TMEM135: variants seen among roughly 807,000 people sequenced by gnomAD.
TMEM135 encodes transmembrane protein 135.
In TMEM135, 30 loss-of-function variants were observed where a neutral mutation model predicts 60.3. The observed-to-expected ratio is 0.50, with a 90% CI of 0.37 to 0.68. The LOEUF is 0.68. Among genes scored for constraint, TMEM135 ranks in the 30% least tolerant of loss-of-function variants. The pLI is 0.00. For synonymous variants in TMEM135, 190 were observed against 186.7 expected, an observed-to-expected ratio of 1.02 and a Z score of -0.14; for missense variants, 468 against 548.8, an observed-to-expected ratio of 0.85 and a Z score of 1.47.
intron 5 of TMEM135, among the ~76,000 whole-genome samples, chr11:87,170,915 T>A (rs139777617): frequency 8.5e-5 from 13 of 152,276 alleles, no homozygotes; most frequent in African/African-American, 1.4e-4. Context: ...AGGTTTTCTG[T>A]CCCAGGCAGA....
chr11:87,292,295 CTTT>C (rs1243805357), intron 6 of TMEM135, among the ~76,000 whole-genome samples: 1 of 152,064 alleles, frequency 6.6e-6, no homozygotes, highest in Admixed American at 6.6e-5. Context: ...GACATATTTA[CTTT>C]TTTATGTATC....
intron 5 of TMEM135, among the ~76,000 whole-genome samples, chr11:87,197,547 A>C (rs532925260): frequency 6.6e-6 from 1 of 152,092 alleles, no homozygotes; most frequent in East Asian, 1.9e-4. Flanking sequence ...AATTTCTTCT[A>C]TTGATAGATT....
chr11:87,146,175 T>G (rs1202532448), intron 4 of TMEM135, among the ~76,000 whole-genome samples: 2 of 152,220 alleles, frequency 1.3e-5, no homozygotes, highest in Non-Finnish European at 2.9e-5. Context: ...CACTATTTAT[T>G]GAAGACACTG....
chr11:87,053,090 C>G (rs528321553), intron 1 of TMEM135, among the ~76,000 whole-genome samples: 2 of 126,900 alleles, frequency 1.6e-5, no homozygotes, highest in Non-Finnish European at 3.1e-5. Flanking sequence ...CGCATATTCT[C>G]ACTCAAAGCT....
chr11:87,145,760 A>AT (rs1369115762), intron 4 of TMEM135, among the ~76,000 whole-genome samples: 6 of 149,096 alleles, frequency 4.0e-5, no homozygotes, highest in Non-Finnish European at 7.4e-5. Flanking sequence ...TCACTTATCC[A>AT]TTTTTTTCAA....
chr11:87,054,244 G>A (rs947977115), intron 1 of TMEM135, among the ~76,000 whole-genome samples: 1 of 152,042 alleles, frequency 6.6e-6, no homozygotes, highest in African/African-American at 2.4e-5. Context: ...AGACCAGCCT[G>A]GCCAACATGG....
At chr11:87,127,296 A>C (rs1937761339) in intron 4 of TMEM135, among the ~76,000 whole-genome samples, 2 of 152,212 alleles carry the variant, frequency 1.3e-5, no homozygotes, top group Admixed American at 1.3e-4. Context: ...CAATTAATAC[A>C]AAATACTAAG....
chr11:87,311,673 A>G (rs1192676348), intron 10 of TMEM135, among the ~76,000 whole-genome samples: 2 of 152,054 alleles, frequency 1.3e-5, no homozygotes, highest in East Asian at 1.9e-4. Context: ...CGGGTCAGAA[A>G]ATCTCAGGAA....
intron 5 of TMEM135, among the ~76,000 whole-genome samples, chr11:87,210,092 A>T (rs1263003413): frequency 6.6e-6 from 1 of 152,132 alleles, no homozygotes; most frequent in Non-Finnish European, 1.5e-5. Context: ...TAACAACATA[A>T]TGTTGCACCT....
At chr11:87,138,898 G>A (rs187215601) in intron 4 of TMEM135, among the ~76,000 whole-genome samples, 23 of 152,274 alleles carry the variant, frequency 1.5e-4, no homozygotes, top group Admixed American at 1.3e-3. Flanking sequence ...CTTAATTGGT[G>A]ACATGTGGAA....
chr11:87,231,913 G>A (rs1037371168), intron 5 of TMEM135, among the ~76,000 whole-genome samples: 12 of 150,844 alleles, frequency 8.0e-5, no homozygotes, highest in Non-Finnish European at 1.6e-4. Context: ...GAAGACATAA[G>A]AATAGAGACC....
At chr11:87,135,395 TTA>T (rs1220391918) in intron 4 of TMEM135, among the ~76,000 whole-genome samples, 1 of 152,154 alleles carries the variant, frequency 6.6e-6, no homozygotes, top group African/African-American at 2.4e-5. Context: ...GCCCTAACTT[TTA>T]TGTTTTGTGT....
chr11:87,124,643 C>A (rs1387316233), intron 4 of TMEM135, among the ~76,000 whole-genome samples: 1 of 152,050 alleles, frequency 6.6e-6, no homozygotes, highest in East Asian at 1.9e-4. Context: ...GTTGATATAT[C>A]CTGATATGTA....
chr11:87,268,114 C>T (rs1941786485), intron 6 of TMEM135, among the ~76,000 whole-genome samples: 1 of 146,506 alleles, frequency 6.8e-6, no homozygotes, highest in Non-Finnish European at 1.5e-5. Context: ...TTGCCCGGCC[C>T]TCCCCTTCCC....
intron 12 of TMEM135, among the ~76,000 whole-genome samples, chr11:87,316,809 G>GTT (rs1407937982): frequency 5.9e-5 from 9 of 151,538 alleles, no homozygotes; most frequent in Admixed American, 2.0e-4. Flanking sequence ...GTATCTCTCT[G>GTT]TTTCTTGTGT....
At chr11:87,094,913 C>T (rs982517938) in intron 4 of TMEM135, 2 of 154,524 alleles carry the variant, frequency 1.3e-5, no homozygotes, top group Non-Finnish European at 2.9e-5. Context: ...GCACTTCTCA[C>T]CAGTGACTCC....
intron 1 of TMEM135, 69 bp from the exon 2 acceptor site, chr11:87,067,625 T>C: frequency 6.3e-7 from 1 of 1,596,350 alleles, no homozygotes; most frequent in Non-Finnish European, 8.6e-7. Flanking sequence ...ATACAGTAGC[T>C]TCCACATATA....
intron 6 of TMEM135, among the ~76,000 whole-genome samples, chr11:87,263,003 GAA>G (rs35379409): frequency 6.7e-6 from 1 of 150,236 alleles, no homozygotes; most frequent in African/African-American, 2.4e-5. Flanking sequence ...AGTTTTCATG[GAA>G]AAAAAAAACC....
chr11:87,264,166 T>G (rs1429300962), intron 6 of TMEM135, among the ~76,000 whole-genome samples: 1 of 151,972 alleles, frequency 6.6e-6, no homozygotes, highest in African/African-American at 2.4e-5. Flanking sequence ...AATTCCTTTA[T>G]TGTGACTAGG....
Sources: gnomAD v4.1 joint callset for allele counts (sites outside exome capture counted in the v4.1 genomes callset) on GRCh38, gnomAD v4.1.1 for gene constraint, MANE v1.5 for transcripts, NCBI Gene and HGNC (gene_info 2026-07-23, HGNC 2026-07-21) for gene names.